Variants in C16orf78 observed in about 807,000 individuals in gnomAD.
The protein encoded by C16orf78 is chromosome 16 open reading frame 78.
C16orf78 carries 19 observed loss-of-function variants against 27.3 expected under a neutral mutation model. The observed-to-expected ratio is 0.70, with a 90% CI of 0.49 to 1.02. The LOEUF (loss-of-function observed/expected upper bound fraction) is 1.02. Ranked by LOEUF, C16orf78 falls within the 50% of genes least tolerant of loss-of-function variation. The pLI is 0.00. For missense variants in C16orf78, 339 were observed against 337.0 expected, an observed-to-expected ratio of 1.01 and a Z score of -0.05; for synonymous variants, 130 against 116.1, an observed-to-expected ratio of 1.12 and a Z score of -0.77.
chr16:49,398,866 G>A (rs1027528334), intron 4 of C16orf78, among the ~76,000 whole-genome samples: 4 of 152,168 alleles, frequency 2.6e-5, no homozygotes, highest in African/African-American at 9.7e-5. Context: ...GGACCTGAGT[G>A]GGGTTACTGA....
At chr16:49,390,818 A>G (rs74018761) in intron 3 of C16orf78, among the ~76,000 whole-genome samples, 5,373 of 152,104 alleles carry the variant, frequency 0.035, 318 homozygotes, top group African/African-American at 0.12. Context: ...TCTCTCCCCA[A>G]CTCAAGGGGA....
At chr16:49,386,058 A>G (rs1965346588) in intron 3 of C16orf78, among the ~76,000 whole-genome samples, 1 of 152,228 alleles carries the variant, frequency 6.6e-6, no homozygotes, top group South Asian at 2.1e-4. Flanking sequence ...TAAGGAGAGC[A>G]TCGGTGGCTA....
At chr16:49,392,759 C>T (rs973399482) in intron 3 of C16orf78, among the ~76,000 whole-genome samples, 2 of 152,090 alleles carry the variant, frequency 1.3e-5, no homozygotes, top group African/African-American at 2.4e-5. Context: ...AATTCTGTGT[C>T]GCTGATGCCT....
rs774293106 is a variant in C16orf78, at chr16:49,377,687, C to G, written c.151-44C>G. On this transcript the variant is annotated intron_variant, in intron 1 of 4. Coordinates refer to ENST00000299191, the MANE Select transcript of C16orf78 (RefSeq NM_144602.4). ...CTTGGGGAAAGGGAGGGGATGCTGT[C>G]CCCACAGCAGTGGCTGCAGGGCTCT... 1.9e-6 allele frequency: 3 copies of G among 1,585,116 alleles called. No individual in the cohort carries two copies. The African/African-American group carries it at 4.0e-5, about 21-fold the overall frequency.
chr16:49,396,297 C>A (rs1965471282), intron 3 of C16orf78, 126 bp from the exon 4 acceptor site: 2 of 1,095,390 alleles, frequency 1.8e-6, no homozygotes, highest in Non-Finnish European at 2.6e-6. Flanking sequence ...CACGAAAAGA[C>A]CTCATATCTC....
At chr16:49,388,548 G>A (rs1596927719) in intron 3 of C16orf78, among the ~76,000 whole-genome samples, 1 of 152,218 alleles carries the variant, frequency 6.6e-6, no homozygotes, top group East Asian at 1.9e-4. Flanking sequence ...GTCTCACTTT[G>A]TTATCCAGGC....
intron 1 of C16orf78, among the ~76,000 whole-genome samples, chr16:49,374,507 G>A (rs1965191825): frequency 6.6e-6 from 1 of 152,210 alleles, no homozygotes; most frequent in Non-Finnish European, 1.5e-5. Context: ...GGAAAAGGAG[G>A]CCAAGGGCCT....
At chr16:49,385,206 G>A (rs1965333558) in intron 3 of C16orf78, among the ~76,000 whole-genome samples, 1 of 152,002 alleles carries the variant, frequency 6.6e-6, no homozygotes, top group Non-Finnish European at 1.5e-5. Flanking sequence ...AAAAACAAAT[G>A]TATTAAAATT....
intron 3 of C16orf78, among the ~76,000 whole-genome samples, chr16:49,391,277 G>C (rs1477320728): frequency 6.6e-6 from 1 of 152,168 alleles, no homozygotes; most frequent in African/African-American, 2.4e-5. Context: ...GTAGTAGACT[G>C]GAAAGGGAAT....
intron 3 of C16orf78, among the ~76,000 whole-genome samples, chr16:49,389,873 C>T (rs1965392978): frequency 6.6e-6 from 1 of 152,186 alleles, no homozygotes; most frequent in African/African-American, 2.4e-5. Context: ...TTCATTGGAT[C>T]CAGATTTCTG....
At chr16:49,388,051 G>A (rs897007445) in intron 3 of C16orf78, among the ~76,000 whole-genome samples, 2 of 152,104 alleles carry the variant, frequency 1.3e-5, no homozygotes, top group African/African-American at 2.4e-5. Context: ...TTGGGAGGCC[G>A]AGACAGGCAG....
At chr16:49,388,036 G>C (rs1965370379) in intron 3 of C16orf78, among the ~76,000 whole-genome samples, 2 of 152,102 alleles carry the variant, frequency 1.3e-5, no homozygotes, top group South Asian at 4.1e-4. Context: ...TGTAATCCCA[G>C]CAATTTGGGA....
rs375036194 is a variant in C16orf78 at position 49,399,178 on chromosome 16, G to C, written c.698G>C (p.Cys233Ser). ...KENIRTLLKL[C>S]KDAGMNVDIH... is the part of the protein sequence containing the mutation. Reference sequence around the variant, plus strand: ...AACATTCGGACCTTGCTCAAGTTGTGCAAGGATGCAGGAATGAATGTGGAT... The same window carrying C: ...AACATTCGGACCTTGCTCAAGTTGTCCAAGGATGCAGGAATGAATGTGGAT... Residue 233 changes from cysteine (C) to serine (S), a missense_variant, in exon 5 of 5, where the codon TGC (cysteine) becomes TCC (serine). Cys to Ser is a moderately radical substitution (Grantham distance 112). Coordinates refer to ENST00000299191, the MANE Select transcript of C16orf78 (RefSeq NM_144602.4). 5 of 1,614,040 alleles carry C rather than the reference G, an allele frequency of 3.1e-6. No individual in the cohort carries two copies. Among genetic ancestry groups the C allele is most frequent in the Non-Finnish European group, 4.2e-6 (5 of 1,180,032 alleles).
chr16:49,391,062 A>G (rs1965407116), intron 3 of C16orf78, among the ~76,000 whole-genome samples: 2 of 152,226 alleles, frequency 1.3e-5, no homozygotes, highest in Non-Finnish European at 1.5e-5. Context: ...CTGCTACCCC[A>G]TCTTGGCTGA....
At chr16:49,384,839 A>G (rs569104906) in intron 3 of C16orf78, among the ~76,000 whole-genome samples, 2 of 152,356 alleles carry the variant, frequency 1.3e-5, no homozygotes, top group East Asian at 3.9e-4. Flanking sequence ...CCACAAGACT[A>G]TGAGTAGACT....
rs182852651 is a variant in C16orf78, at chr16:49,382,449, A to T, written c.394+3856A>T. Reference sequence around the variant, plus strand: ...AATAAATAAATAAATAAATAAATTTAAAAAAAAGAATTACATCACAGAATT... The same window carrying T: ...AATAAATAAATAAATAAATAAATTTTAAAAAAAGAATTACATCACAGAATT... On this transcript the variant is annotated intron_variant, in intron 3 of 4. Transcript: ENST00000299191. 1.0e-3 allele frequency among the ~76,000 whole-genome samples: 157 copies of T among 151,960 alleles called. 1 individual carries two copies. Among genetic ancestry groups the T allele is most frequent in the Non-Finnish European group, 1.8e-3 (119 of 67,976 alleles).
At chr16:49,392,021 C>T (rs1231871482) in intron 3 of C16orf78, among the ~76,000 whole-genome samples, 2 of 152,174 alleles carry the variant, frequency 1.3e-5, no homozygotes, top group South Asian at 4.1e-4. Context: ...CATTGTGACA[C>T]CTTGGGCAGG....
In C16orf78 at chr16:49,377,860, C is replaced by G; in HGVS notation, c.270+10C>G. 1 of 1,560,820 alleles carries G rather than the reference C, an allele frequency of 6.4e-7. No homozygotes were observed. The highest frequency in any genetic ancestry group is 1.2e-5 in the South Asian group (1 of 84,778). ...GGAGACTTCCCAGCAGGTAATGCAG[C>G]CCCTCTTCCCCCACTCACCCCCACT... On this transcript the variant is annotated intron_variant, in intron 2 of 4. Transcript: ENST00000299191.
rs534310911 is a variant in C16orf78, at chr16:49,381,830, T to C, written c.394+3237T>C. 3.9e-3 allele frequency among the ~76,000 whole-genome samples: 596 copies of C among 152,196 alleles called. 4 individuals carry two copies. Among genetic ancestry groups the C allele is most frequent in the Non-Finnish European group, 6.4e-3 (432 of 68,012 alleles). ...CACTGCTGGTGGGACTGTAAACTAGTCCAACCATTGTGGAAGTCAGTGTGG... is the reference window on the plus strand; with the variant it reads ...CACTGCTGGTGGGACTGTAAACTAGCCCAACCATTGTGGAAGTCAGTGTGG... On this transcript the variant is annotated intron_variant, in intron 3 of 4. Transcript: ENST00000299191.
Sources: allele counts gnomAD v4.1 joint callset (sites outside exome capture counted in the v4.1 genomes callset), GRCh38; gene constraint gnomAD v4.1.1; transcripts MANE v1.5; gene names NCBI Gene and HGNC (gene_info 2026-07-23, HGNC 2026-07-21).